The following VTI1A variants were observed in gnomAD, a reference collection of about 807,000 sequenced individuals.
VTI1A encodes vesicle transport through interaction with t-SNAREs homolog 1A.
A neutral mutation model predicts 34.9 loss-of-function variants in VTI1A; 22 were observed. That is an observed-to-expected ratio of 0.63 (90% CI 0.45 to 0.90). The LOEUF (loss-of-function observed/expected upper bound fraction) is 0.90, where lower values mean the gene tolerates loss of function less well. Among genes scored for constraint, VTI1A ranks in the 40% least tolerant of loss-of-function variants. VTI1A has a pLI of 0.00. For synonymous variants in VTI1A, 87 were observed against 97.3 expected, an observed-to-expected ratio of 0.89 and a Z score of 0.62; for missense variants, 268 against 275.6, an observed-to-expected ratio of 0.97 and a Z score of 0.20.
At chr10:112,710,118 G>A (rs1439463245) in intron 7 of VTI1A, among the ~76,000 whole-genome samples, 1 of 150,580 alleles carries the variant, frequency 6.6e-6, no homozygotes, top group African/African-American at 2.5e-5. Flanking sequence ...CAGCACAGTT[G>A]CATTCACATG....
chr10:112,599,684 ATCC>A (rs1392985198), intron 5 of VTI1A, among the ~76,000 whole-genome samples: 1 of 152,062 alleles, frequency 6.6e-6, no homozygotes, highest in East Asian at 1.9e-4. Flanking sequence ...GGTTCAAGTG[ATCC>A]TCCTGCCTCA....
At chr10:112,606,714 T>C (rs977842150) in intron 5 of VTI1A, among the ~76,000 whole-genome samples, 1 of 152,224 alleles carries the variant, frequency 6.6e-6, no homozygotes, top group Non-Finnish European at 1.5e-5. Context: ...CTTACATTTG[T>C]TTTATTAGTG....
intron 7 of VTI1A, among the ~76,000 whole-genome samples, chr10:112,761,361 G>C (rs1309393234): frequency 6.6e-6 from 1 of 152,130 alleles, no homozygotes; most frequent in African/African-American, 2.4e-5. Flanking sequence ...ACAGCCTTAG[G>C]ATTACCCCTC....
intron 7 of VTI1A, among the ~76,000 whole-genome samples, chr10:112,727,243 T>A (rs1312178228): frequency 6.6e-6 from 1 of 152,146 alleles, no homozygotes; most frequent in African/African-American, 2.4e-5. Flanking sequence ...AAACCCAGAG[T>A]ACCTTTACTC....
intron 5 of VTI1A, among the ~76,000 whole-genome samples, chr10:112,622,399 G>A (rs1845766818): frequency 6.7e-6 from 1 of 149,222 alleles, no homozygotes; most frequent in African/African-American, 2.5e-5. Context: ...TTTTAATGCA[G>A]ACCAAGAGTG....
At chr10:112,637,615 C>T (rs764263055) in intron 5 of VTI1A, among the ~76,000 whole-genome samples, 5 of 151,876 alleles carry the variant, frequency 3.3e-5, no homozygotes, top group Non-Finnish European at 5.9e-5. Flanking sequence ...GCCGAGATCG[C>T]GCTACTGCAC....
intron 5 of VTI1A, among the ~76,000 whole-genome samples, chr10:112,596,158 G>C (rs1255012620): frequency 6.7e-6 from 1 of 149,464 alleles, no homozygotes; most frequent in African/African-American, 2.5e-5. Context: ...TCTGGGGACT[G>C]TTGTGGGGTG....
In VTI1A at chr10:112,463,641, G is replaced by C. The variant is rs376761224; in HGVS notation, c.154-906G>C. Among the ~76,000 whole-genome samples, 334 of 146,190 alleles carry C rather than the reference G, an allele frequency of 2.3e-3. 3 individuals carry two copies. Among genetic ancestry groups the C allele is most frequent in the African/African-American group, 8.1e-3 (323 of 39,996 alleles). On this transcript the variant is annotated intron_variant, in intron 2 of 7. Transcript: ENST00000393077. ...TAGCAGGTTGTTAAAAAAAAAAAAA[G>C]CGCCTTGCTGTGATTTCATTAAGCT... is the stretch of plus-strand genomic sequence containing the variant.
intron 5 of VTI1A, among the ~76,000 whole-genome samples, chr10:112,553,749 T>A (rs1447731796): frequency 6.6e-6 from 1 of 152,230 alleles, no homozygotes; most frequent in Non-Finnish European, 1.5e-5. Flanking sequence ...TGTGTTCCAC[T>A]GTCAAGAACA....
In VTI1A at chr10:112,538,287, A is replaced by G. The variant is rs1452106151; in HGVS notation, c.384A>G (p.Ser128=). 6.2e-7 allele frequency: 1 copy of G among 1,613,586 alleles called. No individual in the cohort carries two copies. Among genetic ancestry groups the G allele is most frequent in the Non-Finnish European group, 8.5e-7 (1 of 1,179,794 alleles). ...LLDNTERLER[S]SRRLEAGYQI... ...ATAACACAGAGAGGCTGGAAAGGTCATCTCGGAGACTAGAGGCTGGATACC... is the reference window on the plus strand; with the variant it reads ...ATAACACAGAGAGGCTGGAAAGGTCGTCTCGGAGACTAGAGGCTGGATACC... Residue 128 remains serine (S), a synonymous_variant, in exon 5 of 8, where the codon TCA becomes TCG. Transcript: ENST00000393077.
At chr10:112,749,284 A>C (rs936746769) in intron 7 of VTI1A, among the ~76,000 whole-genome samples, 16 of 152,224 alleles carry the variant, frequency 1.1e-4, no homozygotes, top group South Asian at 2.1e-4. Context: ...TGCCACCTTC[A>C]GTACTGCTTA....
chr10:112,641,346 A>G (rs1324630087), intron 5 of VTI1A, among the ~76,000 whole-genome samples: 1 of 152,190 alleles, frequency 6.6e-6, no homozygotes, highest in Non-Finnish European at 1.5e-5. Context: ...GATAAAGGAA[A>G]AAACAGAATA....
At chr10:112,794,121 A>G (rs1852587857) in intron 7 of VTI1A, among the ~76,000 whole-genome samples, 1 of 152,216 alleles carries the variant, frequency 6.6e-6, no homozygotes, top group Non-Finnish European at 1.5e-5. Context: ...ATGTTTTTGT[A>G]CTGTGGGGAA....
chr10:112,821,328 C>T (rs1853650433), downstream of VTI1A, among the ~76,000 whole-genome samples: 1 of 152,146 alleles, frequency 6.6e-6, no homozygotes, highest in Non-Finnish European at 1.5e-5. Flanking sequence ...CCTCCTCTCC[C>T]CCTCCCACTT....
At chr10:112,689,488 G>C (rs796797106) in intron 7 of VTI1A, among the ~76,000 whole-genome samples, 9 of 152,312 alleles carry the variant, frequency 5.9e-5, no homozygotes, top group African/African-American at 2.2e-4. Flanking sequence ...GCCCTGGTAG[G>C]AGGTGCTGGA....
intron 7 of VTI1A, among the ~76,000 whole-genome samples, chr10:112,781,093 C>T (rs1338326375): frequency 6.6e-6 from 1 of 152,116 alleles, no homozygotes; most frequent in Admixed American, 6.5e-5. Flanking sequence ...TACAGGTGCA[C>T]ACCGCCATGG....
intron 7 of VTI1A, among the ~76,000 whole-genome samples, chr10:112,809,382 A>C (rs1853206200): frequency 6.6e-6 from 1 of 152,220 alleles, no homozygotes; most frequent in Admixed American, 6.5e-5. Flanking sequence ...CCTAGAGAGA[A>C]GCAGATCCGG....
In VTI1A at chr10:112,682,362, T is replaced by C. The variant is rs114623882; in HGVS notation, c.560+13364T>C. ...TTCTTCCCTGAATTACATGTTAAAT[T>C]ATGTGTTTAAGGTTGTTTTTATTGT... On this transcript the variant is annotated intron_variant, in intron 7 of 7. Transcript: ENST00000393077. Among the ~76,000 whole-genome samples the C allele has an allele frequency of 4.7e-3, 713 of 152,322 alleles. 5 individuals are homozygous for C. Among genetic ancestry groups the C allele is most frequent in the African/African-American group, 0.017 (695 of 41,556 alleles).
chr10:112,829,937 G>C, the VTI1A span, among the ~76,000 whole-genome samples: 1 of 152,070 alleles, frequency 6.6e-6, no homozygotes, highest in South Asian at 2.1e-4. Flanking sequence ...ATGGAATCCT[G>C]GACCCCTGGA....
Sources: gnomAD v4.1 joint callset for allele counts (sites outside exome capture counted in the v4.1 genomes callset) on GRCh38, gnomAD v4.1.1 for gene constraint, MANE v1.5 for transcripts, NCBI Gene and HGNC (gene_info 2026-07-23, HGNC 2026-07-21) for gene names.